The following SEZ6L variants were observed in gnomAD, a reference collection of about 807,000 sequenced individuals.
SEZ6L encodes the protein seizure 6-like protein.
SEZ6L carries 37 observed loss-of-function variants against 106.2 expected under a neutral mutation model. The observed-to-expected ratio is 0.35, with a 90% CI of 0.27 to 0.46. SEZ6L has a LOEUF of 0.46. Among genes scored for constraint, SEZ6L ranks in the 20% least tolerant of loss-of-function variants. The pLI is 1.00. For missense variants in SEZ6L, 1,172 were observed against 1,332.8 expected (o/e 0.88, Z 1.88); for synonymous variants, 541 against 570.4 (o/e 0.95, Z 0.73).
intron 10 of SEZ6L, among the ~76,000 whole-genome samples, chr22:26,343,419 A>T (rs1203190767): frequency 6.6e-6 from 1 of 152,046 alleles, no homozygotes; most frequent in African/African-American, 2.4e-5. Context: ...TATCTTGAAG[A>T]AGAAGTGTTT....
chr22:26,277,733 G>C (rs1431835792), intron 1 of SEZ6L, among the ~76,000 whole-genome samples: 3 of 152,166 alleles, frequency 2.0e-5, no homozygotes, highest in African/African-American at 7.2e-5. Flanking sequence ...TCATTAAATA[G>C]ATGCTGACTG....
At chr22:26,345,790 T>C (rs780818542) in intron 10 of SEZ6L, among the ~76,000 whole-genome samples, 37 of 152,202 alleles carry the variant, frequency 2.4e-4, no homozygotes, top group Non-Finnish European at 5.0e-4. Flanking sequence ...CATAATTAGC[T>C]TGCTCCTCCA....
intron 4 of SEZ6L, among the ~76,000 whole-genome samples, chr22:26,298,059 A>G (rs2081351295): frequency 6.6e-6 from 1 of 152,206 alleles, no homozygotes; most frequent in African/African-American, 2.4e-5. Flanking sequence ...TTTGAAAACA[A>G]CAACAACTCA....
chr22:26,251,860 C>T (rs2079602984), intron 1 of SEZ6L, among the ~76,000 whole-genome samples: 1 of 152,176 alleles, frequency 6.6e-6, no homozygotes, highest in African/African-American at 2.4e-5. Context: ...TGTGTGGCCA[C>T]TCATCCCCCT....
intron 1 of SEZ6L, among the ~76,000 whole-genome samples, chr22:26,184,081 T>G (rs778221192): frequency 6.6e-5 from 10 of 152,318 alleles, no homozygotes; most frequent in Non-Finnish European, 1.5e-4. Flanking sequence ...TATCCTGACA[T>G]TGACATTTTG....
chr22:26,303,853 A>G (rs1438891413), intron 5 of SEZ6L, among the ~76,000 whole-genome samples: 2 of 152,148 alleles, frequency 1.3e-5, no homozygotes, highest in East Asian at 1.9e-4. Context: ...TGAAGGGGGA[A>G]CCAAGCGTCC....
At chr22:26,369,341 C>CTTTTTTTTTTTTTTTTTTTTT (rs199641007) in intron 13 of SEZ6L, among the ~76,000 whole-genome samples, 1,683 of 103,316 alleles carry the variant, frequency 0.016, 379 homozygotes, top group African/African-American at 0.022. Context: ...ATAAGCAGTT[C>CTTTTTTTTTTTTTTTTTTTTT]TTTTGTTTTT....
Position 26,365,423 on chromosome 22 carries a change from A to T in SEZ6L, c.2651A>T (p.Gln884Leu), listed in dbSNP as rs1258491678. 6.2e-7 allele frequency: 1 copy of T among 1,613,730 alleles called. No homozygotes were observed. Among genetic ancestry groups the T allele is most frequent in the African/African-American group, 1.3e-5 (1 of 74,918 alleles). Residue 884 changes from glutamine to leucine, a missense_variant, in exon 13 of 17, where the codon CAA (glutamine) becomes CTA (leucine). Gln to Leu is a moderately radical substitution (Grantham distance 113). This residue lies in a region of SEZ6L where 3 missense variants were observed against 20.0 expected (regional missense o/e 0.15). Transcript: ENST00000248933. ...DNPGLPENGY[Q>L]ILYKRLYLPG... Reference sequence around the variant, plus strand: ...CCAGGGCTGCCTGAAAATGGATACCAAATCCTGTACAAGCGACTCTACCTG... The same window carrying T: ...CCAGGGCTGCCTGAAAATGGATACCTAATCCTGTACAAGCGACTCTACCTG...
At chr22:26,298,446 G>C (rs1381340067) in intron 4 of SEZ6L, among the ~76,000 whole-genome samples, 1 of 152,198 alleles carries the variant, frequency 6.6e-6, no homozygotes, top group Non-Finnish European at 1.5e-5. Flanking sequence ...CACCTGTAAG[G>C]TGGAGGCACT....
intron 1 of SEZ6L, among the ~76,000 whole-genome samples, chr22:26,266,793 A>G (rs918110285): frequency 4.6e-5 from 7 of 151,904 alleles, no homozygotes; most frequent in Non-Finnish European, 8.8e-5. Context: ...ATACCTATAA[A>G]GTGGCAAGCA....
At chr22:26,179,342 G>GACTGCACCACTGCACTCTAC (rs1454186132) in intron 1 of SEZ6L, among the ~76,000 whole-genome samples, 6 of 152,186 alleles carry the variant, frequency 3.9e-5, no homozygotes, top group Non-Finnish European at 8.8e-5. Flanking sequence ...AGTGAGCTAT[G>GACTGCACCACTGCACTCTAC]ACTGCACCAC....
Position 26,361,506 on chromosome 22 carries a change from CAAAA to C in SEZ6L, c.2600-3854_2600-3851del, listed in dbSNP as rs530265526. On this transcript the variant is annotated intron_variant, in intron 12 of 16. Transcript: ENST00000248933. ...TGAGTGACAGAGTGAGACTCTGTCT[CAAAA>C]AAAAAAAAAAATATATATATATATA... Among the ~76,000 whole-genome samples, 445 of 130,664 alleles carry C rather than the reference CAAAA, an allele frequency of 3.4e-3. 1 individual carries two copies. Among genetic ancestry groups the C allele is most frequent in the African/African-American group, 0.011 (408 of 35,740 alleles). 85.7% of individuals were successfully genotyped at this position (130,664 alleles called of 152,430 possible).
intron 10 of SEZ6L, among the ~76,000 whole-genome samples, chr22:26,341,926 C>T (rs1273409898): frequency 6.6e-6 from 1 of 152,180 alleles, no homozygotes; most frequent in Non-Finnish European, 1.5e-5. Context: ...CCCACTGATT[C>T]CAGTCCCAGA....
intron 9 of SEZ6L, among the ~76,000 whole-genome samples, chr22:26,318,502 C>T (rs891804117): frequency 2.6e-5 from 4 of 151,726 alleles, no homozygotes; most frequent in African/African-American, 9.7e-5. Flanking sequence ...GGTTTAAGCT[C>T]CCTTCTCATT....
intron 13 of SEZ6L, among the ~76,000 whole-genome samples, chr22:26,372,767 A>G (rs534738230): frequency 6.6e-6 from 1 of 152,344 alleles, no homozygotes; most frequent in Admixed American, 6.5e-5. Flanking sequence ...GAAGTTTTAC[A>G]AAAAACATAA....
In SEZ6L at chr22:26,380,122, A is replaced by G. The variant is rs971359353; in HGVS notation, c.3046-144A>G. ...CCATTTCCTTATAACCCATTGGCAA[A>G]AGCAAATCAGGGTCAGAGTGGGAGG... On this transcript the variant is annotated intron_variant, in intron 16 of 16. Transcript: ENST00000248933. 5.9e-6 allele frequency: 4 copies of G among 676,096 alleles called. No individual in the cohort carries two copies. The African/African-American group carries it at 7.1e-5, about 12-fold the overall frequency. The allele number at this position is 676,096 out of a possible 1,614,324, so 41.9% of individuals were successfully genotyped here.
chr22:26,292,316 C>G, intron 1 of SEZ6L, 90 bp from the exon 2 acceptor site: 1 of 1,024,332 alleles, frequency 9.8e-7, no homozygotes, highest in South Asian at 1.6e-5. Context: ...CTTTGGGCAC[C>G]GCCCTTAGGA....
In SEZ6L at chr22:26,321,635, G is replaced by T. The variant is rs533492810; in HGVS notation, c.2015+7733G>T. 3.8e-4 allele frequency among the ~76,000 whole-genome samples: 58 copies of T among 152,312 alleles called. 1 individual carries two copies. Among genetic ancestry groups the T allele is most frequent in the African/African-American group, 1.4e-3 (58 of 41,566 alleles). On this transcript the variant is annotated intron_variant, in intron 9 of 16. Transcript: ENST00000248933. ...CAGGGTTACGTGAGGCCCAAGAGCTGCTGGGTTTAATTTATCTTGCTTGGT... is the reference window on the plus strand; with the variant it reads ...CAGGGTTACGTGAGGCCCAAGAGCTTCTGGGTTTAATTTATCTTGCTTGGT...
chr22:26,275,975 C>T (rs1277879478), intron 1 of SEZ6L, among the ~76,000 whole-genome samples: 2 of 152,164 alleles, frequency 1.3e-5, no homozygotes, highest in African/African-American at 4.8e-5. Context: ...CAGCCCCTTC[C>T]CTCACCTCAC....
Sources: allele counts gnomAD v4.1 joint callset (sites outside exome capture counted in the v4.1 genomes callset), GRCh38; gene constraint gnomAD v4.1.1; regional missense constraint gnomAD v4.1.1; transcripts MANE v1.5; gene names NCBI Gene and HGNC (gene_info 2026-07-23, HGNC 2026-07-21).